IQGAP2: variants seen among roughly 807,000 people sequenced by gnomAD.
The protein encoded by IQGAP2 is IQ motif containing GTPase activating protein 2, also known as ras GTPase-activating-like protein IQGAP2.
Under a neutral mutation model 201.3 loss-of-function variants are expected in IQGAP2, and 173 were observed. The ratio of observed to expected loss-of-function variants is 0.86; its 90% CI spans 0.76 to 0.98. The LOEUF is 0.98. IQGAP2 is among the 50% of genes least tolerant of loss of function. IQGAP2 has a pLI of 0.00. For synonymous variants in IQGAP2, 675 were observed against 673.9 expected, an observed-to-expected ratio of 1.00 and a Z score of -0.03; for missense variants, 1,687 against 1,864.8, an observed-to-expected ratio of 0.90 and a Z score of 1.76.
At chr5:76,639,362 G>A (rs2455233) in intron 16 of IQGAP2, among the ~76,000 whole-genome samples, 93,994 of 151,980 alleles carry the variant, frequency 0.62, 29,224 homozygotes, top group South Asian at 0.78. Flanking sequence ...TCTCTGAGTG[G>A]TTATATCATG....
chr5:76,510,116 C>T (rs368120424), intron 2 of IQGAP2, among the ~76,000 whole-genome samples: 20 of 151,642 alleles, frequency 1.3e-4, no homozygotes, highest in African/African-American at 4.6e-4. Context: ...TCTCCTGCCT[C>T]GGCCTCCTGA....
At chr5:76,447,303 A>G (rs1409497625) in intron 1 of IQGAP2, among the ~76,000 whole-genome samples, 2 of 152,158 alleles carry the variant, frequency 1.3e-5, no homozygotes, top group African/African-American at 2.4e-5. Flanking sequence ...TAAAATTCCA[A>G]TTAGGCAAAA....
chr5:76,688,422 CCATG>C (rs1745976583), intron 30 of IQGAP2, among the ~76,000 whole-genome samples: 1 of 152,260 alleles, frequency 6.6e-6, no homozygotes, highest in East Asian at 1.9e-4. Flanking sequence ...AAATTTAATT[CCATG>C]CTAGTCTCAT....
intron 1 of IQGAP2, among the ~76,000 whole-genome samples, chr5:76,442,524 G>GTA (rs1486438551): frequency 6.6e-5 from 10 of 152,176 alleles, no homozygotes; most frequent in Admixed American, 5.9e-4. Flanking sequence ...CAACAACATA[G>GTA]TACAGTTTTA....
intron 35 of IQGAP2, 71 bp from the exon 36 acceptor site, chr5:76,707,129 T>A (rs1247895745): frequency 1.3e-6 from 1 of 790,142 alleles, no homozygotes; most frequent in African/African-American, 1.7e-5. Context: ...TGTCAACAAA[T>A]TCTTCTAATA....
At chr5:76,549,320 AGTGTGTGTGTGT>A (rs35060845) in intron 2 of IQGAP2, among the ~76,000 whole-genome samples, 2 of 147,728 alleles carry the variant, frequency 1.4e-5, no homozygotes, top group African/African-American at 5.0e-5. Flanking sequence ...CGAGCTCTGG[AGTGTGTGTGTGT>A]GTGTGTGTGT....
chr5:76,552,536 G>A (rs916288146), intron 2 of IQGAP2, among the ~76,000 whole-genome samples: 1 of 152,192 alleles, frequency 6.6e-6, no homozygotes, highest in Non-Finnish European at 1.5e-5. Flanking sequence ...TCAACACTTG[G>A]CTTAGAAATC....
chr5:76,427,928 C>T (rs1040671480), intron 1 of IQGAP2, among the ~76,000 whole-genome samples: 9 of 152,294 alleles, frequency 5.9e-5, no homozygotes, highest in Admixed American at 2.6e-4. Flanking sequence ...TCCCTGAGCC[C>T]GTCTGCAGCC....
chr5:76,487,611 C>T (rs1457222808), intron 2 of IQGAP2, among the ~76,000 whole-genome samples: 2 of 152,214 alleles, frequency 1.3e-5, no homozygotes, highest in Admixed American at 1.3e-4. Flanking sequence ...CTTCCCTCCT[C>T]CACTTCACCA....
intron 32 of IQGAP2, among the ~76,000 whole-genome samples, chr5:76,696,029 C>CG (rs2150546224): frequency 1.3e-5 from 2 of 151,758 alleles, no homozygotes; most frequent in African/African-American, 4.8e-5. Context: ...TTAGTAGAGA[C>CG]GGGGTTTCAC....
At chr5:76,601,270 G>A (rs565974734) in intron 11 of IQGAP2, among the ~76,000 whole-genome samples, 10 of 152,312 alleles carry the variant, frequency 6.6e-5, no homozygotes, top group East Asian at 1.9e-4. Flanking sequence ...TTCCTTGGGC[G>A]TCTTTTGGAA....
intron 24 of IQGAP2, among the ~76,000 whole-genome samples, chr5:76,672,919 G>A (rs997930242): frequency 7.2e-6 from 1 of 138,176 alleles, no homozygotes; most frequent in African/African-American, 2.6e-5. Context: ...ATTGGGGGAG[G>A]GGGGAGGGAT....
chr5:76,449,533 C>A (rs1753602998), intron 1 of IQGAP2, among the ~76,000 whole-genome samples: 1 of 152,148 alleles, frequency 6.6e-6, no homozygotes, highest in Admixed American at 6.5e-5. Flanking sequence ...GAGACTTTGC[C>A]ATGTATCAGA....
At chr5:76,650,134 G>C (rs779161903) in intron 17 of IQGAP2, among the ~76,000 whole-genome samples, 6 of 152,252 alleles carry the variant, frequency 3.9e-5, no homozygotes, top group Admixed American at 2.6e-4. Context: ...AGGGGCTGCT[G>C]TGAAGGTCTA....
chr5:76,700,549 T>C (rs899693414), intron 33 of IQGAP2, among the ~76,000 whole-genome samples: 1 of 152,072 alleles, frequency 6.6e-6, no homozygotes, highest in African/African-American at 2.4e-5. Context: ...AGTACCAGAC[T>C]CACAAGTATG....
chr5:76,572,292 C>T (rs1261211339), intron 4 of IQGAP2, among the ~76,000 whole-genome samples: 3 of 150,792 alleles, frequency 2.0e-5, no homozygotes, highest in African/African-American at 4.9e-5. Flanking sequence ...CGGCTCACTG[C>T]AACCTCCGCC....
intron 1 of IQGAP2, among the ~76,000 whole-genome samples, chr5:76,408,619 G>T (rs1455683507): frequency 6.6e-6 from 1 of 152,022 alleles, no homozygotes; most frequent in Non-Finnish European, 1.5e-5. Context: ...ATTTATGCTG[G>T]ATGTGGTGGT....
intron 28 of IQGAP2, among the ~76,000 whole-genome samples, chr5:76,681,020 C>G (rs1313392011): frequency 7.3e-6 from 1 of 136,092 alleles, no homozygotes; most frequent in Non-Finnish European, 1.5e-5. Flanking sequence ...GCACGAGAGT[C>G]ACTTGAGCCT....
rs772073245 is a variant in IQGAP2 at position 76,519,187 on chromosome 5, T to C, written c.147-43209T>C. ...GGATACTAAACTGCTACATTATTCC[T>C]AAAAGTAGCCCTTGTGCTACTTCTC... On this transcript the variant is annotated intron_variant, in intron 2 of 35. Transcript: ENST00000274364. Among the ~76,000 whole-genome samples the C allele has an allele frequency of 6.5e-4, 99 of 152,334 alleles. No individual in the cohort carries two copies. The Middle Eastern group carries it at 0.017, about 26-fold the overall frequency.
Sources: allele counts gnomAD v4.1 joint callset (sites outside exome capture counted in the v4.1 genomes callset), GRCh38; gene constraint gnomAD v4.1.1; transcripts MANE v1.5; gene names NCBI Gene and HGNC (gene_info 2026-07-23, HGNC 2026-07-21).